The following SYNE2 variants were observed in gnomAD, a reference collection of about 807,000 sequenced individuals.
The protein encoded by SYNE2 is nesprin-2.
A neutral mutation model predicts 856.3 loss-of-function variants in SYNE2; 431 were observed. The observed-to-expected ratio is 0.50, with a 90% CI of 0.47 to 0.55. The LOEUF (loss-of-function observed/expected upper bound fraction) is 0.55. Among genes scored for constraint, SYNE2 ranks in the 20% least tolerant of loss-of-function variants. SYNE2 has a pLI of 0.00. For synonymous variants in SYNE2, 2,923 were observed against 2,872.3 expected, an observed-to-expected ratio of 1.02 and a Z score of -0.56; for missense variants, 8,129 against 8,023.2, an observed-to-expected ratio of 1.01 and a Z score of -0.50.
At chr14:63,793,750 A>G (rs1566569985) in intron 1 of SYNE2, among the ~76,000 whole-genome samples, 1 of 145,422 alleles carries the variant, frequency 6.9e-6, no homozygotes, top group Non-Finnish European at 1.5e-5. Context: ...CAGCCTGGGC[A>G]ACAAAATGAG....
rs766798501 is a variant in SYNE2 at position 64,150,321 on chromosome 14, A to AAAAAGG, written c.15640-2243_15640-2242insAAAAGG. Among the ~76,000 whole-genome samples the AAAAAGG allele has an allele frequency of 8.6e-4, 103 of 119,466 alleles. 2 individuals carry two copies. The highest frequency in any genetic ancestry group is 3.1e-3 in the African/African-American group (99 of 31,518). The allele number at this position is 119,466 out of a possible 152,430, so 78.4% of individuals were successfully genotyped here. On this transcript the variant is annotated intron_variant, in intron 84 of 115. Transcript: ENST00000555002. Reference sequence around the variant, plus strand: ...AAAAAAAAAAAAAAAAAAAAAAAAAAGGATCCTCCCGCCTCAGCCTCTCAA... The same window carrying AAAAAGG: ...AAAAAAAAAAAAAAAAAAAAAAAAAAAAAAGGGGATCCTCCCGCCTCAGCCTCTCAA...
intron 98 of SYNE2, chr14:64,188,921 A>G: frequency 4.2e-6 from 3 of 707,468 alleles, no homozygotes; most frequent in Non-Finnish European, 7.7e-6. Flanking sequence ...GTCAGTGGGC[A>G]TGGTACCGAG....
intron 1 of SYNE2, among the ~76,000 whole-genome samples, chr14:63,818,252 T>C (rs1009292037): frequency 6.6e-6 from 1 of 151,280 alleles, no homozygotes; most frequent in East Asian, 1.9e-4. Flanking sequence ...GGAGAATTGT[T>C]TGAACCTGGG....
chr14:63,845,521 T>G (rs909584010), intron 1 of SYNE2, among the ~76,000 whole-genome samples: 1 of 152,158 alleles, frequency 6.6e-6, no homozygotes, highest in Admixed American at 6.6e-5. Context: ...TACTTTCTTC[T>G]TCTTGTTTTG....
Position 63,831,985 on chromosome 14 carries a change from A to G in SYNE2, c.-304-20516A>G, listed in dbSNP as rs543193800. The stretch of plus-strand genomic sequence containing the variant: ...ACATTTTTATAGACACTGTGTTTAG[A>G]TTTTTCAGTATTTTATTCTTGTATC... On this transcript the variant is annotated intron_variant, in intron 1 of 23. Transcript: ENST00000674003. Among the ~76,000 whole-genome samples, 13 of 152,088 alleles carry G rather than the reference A, an allele frequency of 8.5e-5. No homozygotes were observed. In the South Asian group the frequency reaches 2.5e-3, roughly 29 times the overall value.
At chr14:64,190,837 C>G (rs755950819) in intron 99 of SYNE2, 1 of 688,024 alleles carries the variant, frequency 1.5e-6, no homozygotes, top group Non-Finnish European at 2.7e-6. Context: ...TCAGAAATAG[C>G]GCTGATAATT....
At chr14:64,031,474 C>A in intron 45 of SYNE2, 117 bp downstream of exon 45, 1 of 925,554 alleles carries the variant, frequency 1.1e-6, no homozygotes, top group Admixed American at 2.1e-5. Flanking sequence ...CCTCAATGTC[C>A]TGGCTATTTA....
chr14:64,139,764 G>A (rs1315178690), intron 79 of SYNE2, among the ~76,000 whole-genome samples, 177 bp from the exon 80 acceptor site: 1 of 152,158 alleles, frequency 6.6e-6, no homozygotes. Context: ...CCTAGAAAAT[G>A]CCAGGAGCAT....
upstream of SYNE2, among the ~76,000 whole-genome samples, chr14:63,849,866 T>A (rs1275310558): frequency 6.6e-5 from 10 of 152,196 alleles, no homozygotes; most frequent in Non-Finnish European, 1.3e-4. Context: ...TGCAAGTATA[T>A]GCGGAATGTC....
At chr14:63,823,200 C>T (rs182285603) in intron 1 of SYNE2, among the ~76,000 whole-genome samples, 24 of 149,758 alleles carry the variant, frequency 1.6e-4, no homozygotes, top group South Asian at 6.3e-4. Context: ...TTTTTTGAGA[C>T]GGAGTTTCAT....
intron 45 of SYNE2, chr14:64,034,515 G>T: frequency 1.9e-6 from 1 of 514,066 alleles, no homozygotes; most frequent in Non-Finnish European, 3.6e-6. Flanking sequence ...AAATGTGATG[G>T]CAGTTTCCAA....
At chr14:63,775,904 C>T (rs933294823) in intron 1 of SYNE2, among the ~76,000 whole-genome samples, 4 of 152,026 alleles carry the variant, frequency 2.6e-5, no homozygotes, top group African/African-American at 4.8e-5. Context: ...TAAAAAGAGC[C>T]CCTAGTACTT....
At chr14:64,158,539 C>G in intron 85 of SYNE2, 86 bp from the exon 86 acceptor site, 1 of 1,449,844 alleles carries the variant, frequency 6.9e-7, no homozygotes, top group Middle Eastern at 1.9e-4. Context: ...AATTGAAATG[C>G]CTAAATTGGA....
intron 52 of SYNE2, among the ~76,000 whole-genome samples, chr14:64,071,520 A>G (rs934169425): frequency 1.3e-5 from 2 of 152,154 alleles, no homozygotes; most frequent in Non-Finnish European, 2.9e-5. Context: ...AGAAAATGTG[A>G]AAATTACAAA....
chr14:64,027,956 G>A (rs1158707387), intron 43 of SYNE2, among the ~76,000 whole-genome samples, 163 bp downstream of exon 43: 2 of 152,018 alleles, frequency 1.3e-5, no homozygotes, highest in African/African-American at 4.8e-5. Context: ...GCCCAGGCTG[G>A]AGTGCAGTGG....
rs1283757866 is a variant in SYNE2 at position 64,021,868 on chromosome 14, G to A, written c.5364G>A (p.Gln1788=). ...GTTTATGCATTTAGGAGATACAACA[G>A]CAGATTCTACAGCAAAAACACAGTA... ...EIFTKLEEIQ[Q]QILQQKHSMI... Residue 1788 remains glutamine, a synonymous_variant, in exon 37 of 116, where the codon CAG becomes CAA. Transcript: ENST00000555002. The A allele has an allele frequency of 4.3e-6, 7 of 1,613,762 alleles. No homozygotes were observed. Among genetic ancestry groups the A allele is most frequent in the Non-Finnish European group, 5.9e-6 (7 of 1,179,916 alleles).
At chr14:64,051,237 T>G (rs2097223195) in intron 47 of SYNE2, among the ~76,000 whole-genome samples, 1 of 152,110 alleles carries the variant, frequency 6.6e-6, no homozygotes, top group African/African-American at 2.4e-5. Context: ...ATTTACAAAA[T>G]ATTTTTATGT....
chr14:63,932,784 G>A (rs2095780198), intron 2 of SYNE2, among the ~76,000 whole-genome samples: 1 of 152,224 alleles, frequency 6.6e-6, no homozygotes, highest in South Asian at 2.1e-4. Context: ...GCCCACATGT[G>A]CTGGGTGCCG....
intron 35 of SYNE2, among the ~76,000 whole-genome samples, chr14:64,020,505 A>G (rs749292848): frequency 2.6e-5 from 4 of 152,228 alleles, no homozygotes; most frequent in South Asian, 2.1e-4. Context: ...AATAGTTGGT[A>G]TAGTTAAATA....
Sources: gnomAD v4.1 joint callset for allele counts (sites outside exome capture counted in the v4.1 genomes callset) on GRCh38, gnomAD v4.1.1 for gene constraint, MANE v1.5 for transcripts, NCBI Gene and HGNC (gene_info 2026-07-23, HGNC 2026-07-21) for gene names.